APBA1: variants seen among roughly 807,000 people sequenced by gnomAD.
The protein encoded by APBA1 is amyloid-beta A4 precursor protein-binding family A member 1.
A neutral mutation model predicts 86.6 loss-of-function variants in APBA1; 55 were observed. That is an observed-to-expected ratio of 0.64 (90% CI 0.51 to 0.80). The LOEUF (loss-of-function observed/expected upper bound fraction) is 0.80, where lower values mean the gene tolerates loss of function less well. Ranked by LOEUF, APBA1 falls within the 30% of genes least tolerant of loss-of-function variation. APBA1 has a pLI of 0.00. For synonymous variants in APBA1, 511 were observed against 493.9 expected (o/e 1.03, Z -0.46); for missense variants, 1,090 against 1,183.0 (o/e 0.92, Z 1.15).
intron 1 of APBA1, among the ~76,000 whole-genome samples, chr9:69,541,251 ACC>A (rs71500368): frequency 0.1 from 12,251 of 122,688 alleles, 783 homozygotes; most frequent in East Asian, 0.34. Context: ...TGTTTTAGGG[ACC>A]CCCCCCCCCA....
chr9:69,607,594 A>T (rs1822501761), intron 1 of APBA1, among the ~76,000 whole-genome samples: 1 of 152,228 alleles, frequency 6.6e-6, no homozygotes, highest in Admixed American at 6.5e-5. Context: ...ATGCACTTTG[A>T]ATAACACGCT....
chr9:69,527,665 C>G (rs1836365523), intron 1 of APBA1, among the ~76,000 whole-genome samples: 2 of 152,054 alleles, frequency 1.3e-5, no homozygotes, highest in South Asian at 4.1e-4. Context: ...TTTTTTTAAA[C>G]AAACATCTAA....
intron 1 of APBA1, among the ~76,000 whole-genome samples, chr9:69,547,643 T>C (rs760957378): frequency 5.9e-5 from 9 of 152,236 alleles, no homozygotes; most frequent in Non-Finnish European, 1.2e-4. Context: ...ATTACTAGAA[T>C]TTGAGGCAAT....
chr9:69,447,829 ACT>A (rs1364087205), intron 10 of APBA1, among the ~76,000 whole-genome samples: 1 of 152,188 alleles, frequency 6.6e-6, no homozygotes, highest in Non-Finnish European at 1.5e-5. Context: ...AGCACTGAGC[ACT>A]GTGAGCCATA....
At chr9:69,658,310 CTTTCTTTCTTTCTTTCTTTCTTTCTT>C (rs1823673854) in intron 1 of APBA1, among the ~76,000 whole-genome samples, 34 of 61,904 alleles carry the variant, frequency 5.5e-4, no homozygotes, top group African/African-American at 1.6e-3. Context: ...CTCTCTCTTT[CTTTCTTTCTTTCTTTCTTTCTTTCTT>C]TCTTTCTTTC....
intron 1 of APBA1, among the ~76,000 whole-genome samples, chr9:69,658,323 T>TC (rs1313251713): frequency 1.5e-5 from 2 of 134,864 alleles, no homozygotes; most frequent in African/African-American, 3.2e-5. Flanking sequence ...TCTTTCTTTC[T>TC]TTCTTTCTTT....
intron 1 of APBA1, among the ~76,000 whole-genome samples, chr9:69,606,864 A>C (rs1010831741): frequency 6.6e-6 from 1 of 152,116 alleles, no homozygotes; most frequent in Non-Finnish European, 1.5e-5. Context: ...CTGCTTCCTA[A>C]AAGAAGTGAC....
chr9:69,562,244 C>T (rs1033235741), intron 1 of APBA1, among the ~76,000 whole-genome samples: 2 of 152,000 alleles, frequency 1.3e-5, no homozygotes, highest in Admixed American at 6.6e-5. Flanking sequence ...ACAACAATAA[C>T]AAAAGATACA....
intron 1 of APBA1, among the ~76,000 whole-genome samples, chr9:69,620,313 A>G (rs1479670388): frequency 6.6e-6 from 1 of 152,236 alleles, no homozygotes; most frequent in East Asian, 1.9e-4. Context: ...TAAGGTACAC[A>G]CTAAGCTAGG....
intron 1 of APBA1, among the ~76,000 whole-genome samples, chr9:69,528,149 T>C (rs1241309518): frequency 3.3e-5 from 5 of 152,072 alleles, no homozygotes; most frequent in Non-Finnish European, 5.9e-5. Context: ...CAGAAGCCAA[T>C]TGGGTGAATA....
At chr9:69,436,199 A>C in intron 11 of APBA1, among the ~76,000 whole-genome samples, 1 of 149,946 alleles carries the variant, frequency 6.7e-6, no homozygotes. Flanking sequence ...GTATAGTTTG[A>C]AGTCAGGTAG....
intron 1 of APBA1, among the ~76,000 whole-genome samples, chr9:69,574,076 T>C (rs576890552): frequency 6.6e-6 from 1 of 152,336 alleles, no homozygotes; most frequent in Non-Finnish European, 1.5e-5. Flanking sequence ...CTTATATACA[T>C]ATTTATGTAT....
At chr9:69,440,036 A>G (rs564484868) in intron 11 of APBA1, among the ~76,000 whole-genome samples, 127 of 152,208 alleles carry the variant, frequency 8.3e-4, no homozygotes, top group African/African-American at 2.9e-3. Context: ...GTTGGAGTTT[A>G]CTGGAGGTCC....
chr9:69,546,707 A>G (rs1318142651), intron 1 of APBA1, among the ~76,000 whole-genome samples: 2 of 152,226 alleles, frequency 1.3e-5, no homozygotes, highest in African/African-American at 2.4e-5. Context: ...GTTTCTTATA[A>G]TATATAACAT....
At chr9:69,570,220 ACT>A (rs1181824883) in intron 1 of APBA1, among the ~76,000 whole-genome samples, 2 of 152,066 alleles carry the variant, frequency 1.3e-5, no homozygotes, top group African/African-American at 4.8e-5. Context: ...CTGAGTGCCG[ACT>A]CTGTGCCAGG....
At chr9:69,540,118 C>T (rs1212404469) in intron 1 of APBA1, among the ~76,000 whole-genome samples, 1 of 77,574 alleles carries the variant, frequency 1.3e-5, no homozygotes, top group Admixed American at 1.5e-4. Context: ...AAAACTCCAT[C>T]TCGGCAACAA....
chr9:69,599,239 G>T (rs1588386596), intron 1 of APBA1, among the ~76,000 whole-genome samples: 1 of 152,184 alleles, frequency 6.6e-6, no homozygotes, highest in South Asian at 2.1e-4. Context: ...TTAAAAACTA[G>T]TCTAAATTTT....
chr9:69,472,848 G>A (rs1835386745), intron 3 of APBA1, among the ~76,000 whole-genome samples: 1 of 152,120 alleles, frequency 6.6e-6, no homozygotes, highest in South Asian at 2.1e-4. Flanking sequence ...GGATGGGAAT[G>A]GCAAAGGGAT....
At chr9:69,632,376 TGAGA>T (rs1401664325) in intron 1 of APBA1, among the ~76,000 whole-genome samples, 2 of 152,160 alleles carry the variant, frequency 1.3e-5, no homozygotes, top group Admixed American at 6.5e-5. Flanking sequence ...TTTCCTTTAT[TGAGA>T]GAGAGTCAGT....
Sources: allele counts gnomAD v4.1 joint callset (sites outside exome capture counted in the v4.1 genomes callset), GRCh38; gene constraint gnomAD v4.1.1; transcripts MANE v1.5; gene names NCBI Gene and HGNC (gene_info 2026-07-23, HGNC 2026-07-21).